METTL15: variants seen among roughly 807,000 people sequenced by gnomAD.
METTL15 encodes 12S rRNA N(4)-cytidine methyltransferase METTL15.
METTL15 carries 34 observed loss-of-function variants against 38.3 expected under a neutral mutation model. That is an observed-to-expected ratio of 0.89 (90% CI 0.68 to 1.18). The LOEUF is 1.18. Ranked by LOEUF, METTL15 falls within the 50% of genes most tolerant of loss-of-function variation. The pLI, the probability that METTL15 is intolerant of heterozygous loss-of-function variation, is 0.00. For synonymous variants in METTL15, 162 were observed against 170.9 expected (o/e 0.95, Z 0.41); for missense variants, 438 against 498.4 (o/e 0.88, Z 1.15).
At chr11:28,264,689 T>C (rs1855342685) in intron 4 of METTL15, among the ~76,000 whole-genome samples, 1 of 152,132 alleles carries the variant, frequency 6.6e-6, no homozygotes, top group African/African-American at 2.4e-5. Flanking sequence ...ATATTCCTTT[T>C]TGTACCCTCT....
chr11:28,221,549 C>T (rs1853222639), intron 4 of METTL15, among the ~76,000 whole-genome samples: 2 of 152,254 alleles, frequency 1.3e-5, no homozygotes, highest in South Asian at 4.1e-4. Flanking sequence ...CTGAAGCCTT[C>T]TTCTCTCAAC....
chr11:28,181,259 A>ATTTTTTTTTTTTTTT (rs71449171), intron 3 of METTL15, among the ~76,000 whole-genome samples: 68 of 133,788 alleles, frequency 5.1e-4, no homozygotes, highest in Non-Finnish European at 8.2e-4. Flanking sequence ...TTAATTTTTA[A>ATTTTTTTTTTTTTTT]TTTTTTTTTT....
chr11:28,421,088 G>A (rs1170304682), intron 5 of METTL15, among the ~76,000 whole-genome samples: 2 of 151,958 alleles, frequency 1.3e-5, no homozygotes, highest in Non-Finnish European at 2.9e-5. Flanking sequence ...GCAACTATAT[G>A]TGAATAAATT....
At chr11:28,443,280 T>C (rs1201273024) in intron 6 of METTL15, among the ~76,000 whole-genome samples, 2 of 151,902 alleles carry the variant, frequency 1.3e-5, no homozygotes, top group Non-Finnish European at 2.9e-5. Context: ...TTCTGAGGCA[T>C]AGCCGCCTCT....
chr11:28,517,333 T>A (rs954509101), intron 6 of METTL15: 3 of 152,136 alleles, frequency 2.0e-5, no homozygotes, highest in African/African-American at 7.2e-5. Flanking sequence ...TTTTAATTTA[T>A]TTATTTTTTA....
At chr11:28,140,097 G>A (rs138151114) in intron 3 of METTL15, among the ~76,000 whole-genome samples, 105 of 152,266 alleles carry the variant, frequency 6.9e-4, no homozygotes, top group African/African-American at 2.2e-3. Flanking sequence ...GGGTGCCTCC[G>A]CTTGCCTTTC....
chr11:28,528,032 T>C (rs1202225090), downstream of METTL15, among the ~76,000 whole-genome samples: 2 of 152,230 alleles, frequency 1.3e-5, no homozygotes, highest in Non-Finnish European at 2.9e-5. Flanking sequence ...TGACTCAGTG[T>C]AAATCATGAT....
chr11:28,192,469 G>A (rs1198889327), intron 3 of METTL15, among the ~76,000 whole-genome samples: 1 of 150,176 alleles, frequency 6.7e-6, no homozygotes, highest in African/African-American at 2.4e-5. Context: ...TATGTTCTGT[G>A]AAGGTTATTG....
intron 3 of METTL15, among the ~76,000 whole-genome samples, chr11:28,135,615 C>T (rs1849488183): frequency 6.6e-6 from 1 of 152,202 alleles, no homozygotes; most frequent in South Asian, 2.1e-4. Context: ...CTTGGTGAAA[C>T]AACCAGTTTC....
At chr11:28,430,774 G>T (rs528918837) in intron 6 of METTL15, among the ~76,000 whole-genome samples, 4,384 of 101,124 alleles carry the variant, frequency 0.043, 88 homozygotes, top group African/African-American at 0.099. Flanking sequence ...GGAGGTGAGG[G>T]GCGCCTCTGC....
At chr11:28,431,697 T>C (rs1467330230) in intron 6 of METTL15, among the ~76,000 whole-genome samples, 3 of 95,088 alleles carry the variant, frequency 3.2e-5, no homozygotes, top group Non-Finnish European at 6.2e-5. Context: ...TTCACTTGTT[T>C]ATCTGCTGAC....
intron 3 of METTL15, among the ~76,000 whole-genome samples, chr11:28,344,848 T>A (rs1849983185): frequency 6.6e-6 from 1 of 152,240 alleles, no homozygotes; most frequent in South Asian, 2.1e-4. Context: ...AGCCACATTG[T>A]AATTATACAT....
intron 5 of METTL15, among the ~76,000 whole-genome samples, chr11:28,296,161 G>T (rs12280551): frequency 0.14 from 21,963 of 152,070 alleles, 1,772 homozygotes; most frequent in East Asian, 0.28. Context: ...TGTTACAGAA[G>T]AATGACCAAA....
At chr11:28,474,285 C>G (rs1851327071) in intron 6 of METTL15, among the ~76,000 whole-genome samples, 1 of 151,582 alleles carries the variant, frequency 6.6e-6, no homozygotes, top group Non-Finnish European at 1.5e-5. Context: ...CTGGCCTCCC[C>G]CCTTGTGATA....
intron 5 of METTL15, among the ~76,000 whole-genome samples, chr11:28,369,467 T>C (rs1453395276): frequency 6.6e-6 from 1 of 151,982 alleles, no homozygotes; most frequent in Non-Finnish European, 1.5e-5. Flanking sequence ...CCAACTAGGA[T>C]AAATTGAAAG....
intron 4 of METTL15, among the ~76,000 whole-genome samples, chr11:28,236,020 T>C (rs35176322): frequency 0.27 from 41,307 of 151,674 alleles, 6,117 homozygotes; most frequent in African/African-American, 0.38. Context: ...GCATGAAGGG[T>C]TGTTGAATTT....
chr11:28,128,865 A>G (rs534684104), intron 3 of METTL15, among the ~76,000 whole-genome samples: 17 of 152,310 alleles, frequency 1.1e-4, no homozygotes, highest in African/African-American at 3.4e-4. Flanking sequence ...AGTGGTACTA[A>G]TGGTGTTTTA....
chr11:28,321,402 G>C (rs774747788), intron 6 of METTL15, among the ~76,000 whole-genome samples: 14 of 152,150 alleles, frequency 9.2e-5, no homozygotes, highest in East Asian at 1.9e-4. Context: ...ACAATGTTTT[G>C]TTAATAGAAG....
intron 5 of METTL15, among the ~76,000 whole-genome samples, chr11:28,417,191 G>A (rs1007044863): frequency 6.6e-5 from 10 of 152,144 alleles, no homozygotes; most frequent in Admixed American, 6.5e-4. Flanking sequence ...ATCTCTGGAG[G>A]CAGGACTATG....
Sources: allele counts gnomAD v4.1 joint callset (sites outside exome capture counted in the v4.1 genomes callset), GRCh38; gene constraint gnomAD v4.1.1; transcripts MANE v1.5; gene names NCBI Gene and HGNC (gene_info 2026-07-23, HGNC 2026-07-21).